Variants in WDR19 observed in about 807,000 individuals in gnomAD.
WDR19 encodes the protein WD repeat domain 19.
In WDR19, 121 loss-of-function variants were observed where a neutral mutation model predicts 180.0. The observed-to-expected ratio is 0.67, with a 90% CI of 0.58 to 0.78. The LOEUF (loss-of-function observed/expected upper bound fraction) is 0.78. WDR19 is among the 30% of genes least tolerant of loss of function. WDR19 has a pLI of 0.00. For missense variants in WDR19, 1,450 were observed against 1,640.7 expected (o/e 0.88, Z 2.01); for synonymous variants, 497 against 540.7 (o/e 0.92, Z 1.12).
At chr4:39,212,726 G>A (rs888803505) in intron 9 of WDR19, among the ~76,000 whole-genome samples, 1 of 152,180 alleles carries the variant, frequency 6.6e-6, no homozygotes, top group African/African-American at 2.4e-5. Flanking sequence ...TCTAGAATAT[G>A]TAAAGGACTC....
chr4:39,257,715 T>C (rs1449430996), intron 28 of WDR19, among the ~76,000 whole-genome samples, 161 bp downstream of exon 28: 1 of 151,970 alleles, frequency 6.6e-6, no homozygotes, highest in Admixed American at 6.6e-5. Flanking sequence ...AGCCTCATTT[T>C]TTTCATACCC....
chr4:39,201,459 T>C (rs536177276), intron 6 of WDR19, among the ~76,000 whole-genome samples: 2 of 152,176 alleles, frequency 1.3e-5, no homozygotes, highest in African/African-American at 2.4e-5. Flanking sequence ...TTTTAGTAGA[T>C]AGTGCAAAAC....
intron 36 of WDR19, among the ~76,000 whole-genome samples, chr4:39,282,762 G>A (rs1419150782): frequency 6.6e-6 from 1 of 152,108 alleles, no homozygotes; most frequent in East Asian, 1.9e-4. Context: ...TAAATAATTT[G>A]GGGAGATTTT....
Position 39,199,488 on chromosome 4 carries a change from T to C in WDR19, c.417T>C (p.Thr139=). ...SRKIPVLGKH[T]KRITCGCWNA... ...TAATCTCTTTTTCAGGAAAACATAC[T>C]AAGAGAATCACTTGTGGATGTTGGA... Residue 139 remains threonine (T), a synonymous_variant, in exon 6 of 37, where the codon ACT becomes ACC. Transcript: ENST00000399820. The C allele has an allele frequency of 6.2e-7, 1 of 1,612,364 alleles. No individual in the cohort carries two copies.
Position 39,205,264 on chromosome 4 carries a change from T to C in WDR19, c.714T>C (p.Asn238=). 1.9e-6 allele frequency: 3 copies of C among 1,585,926 alleles called. No individual in the cohort carries two copies. Among genetic ancestry groups the C allele is most frequent in the South Asian group, 1.1e-5 (1 of 87,056 alleles). Residue 238 remains asparagine, a splice_region_variant and synonymous_variant, in exon 8 of 37, where the codon AAT becomes AAC. Coordinates refer to ENST00000399820, the MANE Select transcript of WDR19 (RefSeq NM_025132.4). The stretch of plus-strand genomic sequence containing the variant: ...ACTTTGGCAACATTGTCTGCTATAA[T>C]TGGTATGTCTGCTATAACTGGTATG... The part of the protein sequence containing the change: ...QQDFGNIVCY[N]WYGDGRIMIG...
intron 28 of WDR19, among the ~76,000 whole-genome samples, chr4:39,265,601 G>A (rs6531699): frequency 0.071 from 10,789 of 151,508 alleles, 1,248 homozygotes; most frequent in African/African-American, 0.25. Flanking sequence ...GTGAAACCCC[G>A]TCTCTACTAA....
At chr4:39,265,952 A>G in intron 28 of WDR19, 111 bp from the exon 29 acceptor site, 1 of 866,692 alleles carries the variant, frequency 1.2e-6, no homozygotes, top group Non-Finnish European at 1.9e-6. Flanking sequence ...TTTACTATAG[A>G]TACTATTAAT....
chr4:39,254,169 A>G, intron 26 of WDR19, 139 bp downstream of exon 26: 9 of 704,758 alleles, frequency 1.3e-5, no homozygotes, highest in Middle Eastern at 4.3e-4. Flanking sequence ...ATAGACACAC[A>G]TGTATCTATG....
chr4:39,225,940 C>T (rs140326701), intron 15 of WDR19, among the ~76,000 whole-genome samples: 1 of 152,166 alleles, frequency 6.6e-6, no homozygotes, highest in African/African-American at 2.4e-5. Context: ...AATTCCTAAT[C>T]TGCTAGTTCT....
At chr4:39,188,163 C>G (rs1725753487) in intron 3 of WDR19, among the ~76,000 whole-genome samples, 1 of 148,980 alleles carries the variant, frequency 6.7e-6, no homozygotes, top group Non-Finnish European at 1.5e-5. Flanking sequence ...TTATTTAATA[C>G]CAAGATGAAA....
At chr4:39,230,157 A>G (rs1055325880) in intron 17 of WDR19, among the ~76,000 whole-genome samples, 13 of 152,092 alleles carry the variant, frequency 8.5e-5, no homozygotes, top group African/African-American at 2.9e-4. Flanking sequence ...GGGGACCTCT[A>G]TGACCTACTA....
intron 32 of WDR19, 97 bp from the exon 33 acceptor site, chr4:39,274,711 T>C: frequency 7.0e-7 from 1 of 1,419,126 alleles, no homozygotes. Context: ...TCAGAGACCA[T>C]GACCCTGTTT....
chr4:39,196,226 C>T (rs1217006722), intron 5 of WDR19, among the ~76,000 whole-genome samples: 1 of 152,182 alleles, frequency 6.6e-6, no homozygotes, highest in Non-Finnish European at 1.5e-5. Context: ...ATTTCCTTCA[C>T]TTTTGTGTTC....
chr4:39,244,525 CA>C lies in WDR19; in HGVS notation c.2619del (p.Ser874LeufsTer43). The part of the protein sequence containing the change: ...YEKGLYYDKA[A>X]SVYIRSKNWA... ...AAAGGTCTCTACTACGATAAAGCAG[CA>C]TCTGTTTACATCCGCTCTAAGAATT... is the stretch of plus-strand genomic sequence containing the variant. On this transcript the variant is annotated frameshift_variant, in exon 23 of 37. Transcript: ENST00000399820. LOFTEE classifies it high-confidence loss of function. 1 of 1,614,032 alleles carries C rather than the reference CA, an allele frequency of 6.2e-7. No individual in the cohort carries two copies. The highest frequency in any genetic ancestry group is 8.5e-7 in the Non-Finnish European group (1 of 1,179,880).
chr4:39,193,419 A>G (rs1215483822), intron 4 of WDR19, among the ~76,000 whole-genome samples: 1 of 152,076 alleles, frequency 6.6e-6, no homozygotes, highest in Non-Finnish European at 1.5e-5. Flanking sequence ...CGGCCTCCCA[A>G]AGTGCTGGGG....
intron 1 of WDR19, among the ~76,000 whole-genome samples, chr4:39,182,869 T>TA (rs1000782829): frequency 7.9e-5 from 12 of 152,080 alleles, no homozygotes; most frequent in South Asian, 2.1e-4. Flanking sequence ...GATCTAAAGA[T>TA]ACCCCAGCTT....
intron 9 of WDR19, among the ~76,000 whole-genome samples, chr4:39,212,752 ATG>A (rs1490520951): frequency 6.6e-6 from 1 of 152,236 alleles, no homozygotes; most frequent in African/African-American, 2.4e-5. Flanking sequence ...ACCCAACAGT[ATG>A]TCATATGTTT....
At chr4:39,196,474 C>T (rs1014259910) in intron 5 of WDR19, among the ~76,000 whole-genome samples, 1 of 152,192 alleles carries the variant, frequency 6.6e-6, no homozygotes, top group African/African-American at 2.4e-5. Context: ...TGACTCTTTT[C>T]TTTCTCATAC....
At chr4:39,217,086 A>G in intron 12 of WDR19, 48 bp from the exon 13 acceptor site, 6 of 1,341,328 alleles carry the variant, frequency 4.5e-6, no homozygotes, top group Non-Finnish European at 6.2e-6. Context: ...TAGGTATGAG[A>G]TAGTTTTACC....
Sources: gnomAD v4.1 joint callset for allele counts (sites outside exome capture counted in the v4.1 genomes callset) on GRCh38, gnomAD v4.1.1 for gene constraint, MANE v1.5 for transcripts, NCBI Gene and HGNC (gene_info 2026-07-23, HGNC 2026-07-21) for gene names.